ZNF541: variants seen among roughly 807,000 people sequenced by gnomAD.
ZNF541 encodes the protein zinc finger protein 541.
Under a neutral mutation model 123.5 loss-of-function variants are expected in ZNF541, and 23 were observed. The observed-to-expected ratio is 0.19, with a 90% confidence interval of 0.13 to 0.26. The LOEUF (loss-of-function observed/expected upper bound fraction) is 0.26. Among genes scored for constraint, ZNF541 ranks in the 10% least tolerant of loss-of-function variants. The pLI is 1.00. For missense variants in ZNF541, 1,612 were observed against 1,789.9 expected (o/e 0.90, Z 1.79); for synonymous variants, 751 against 754.5 (o/e 1.00, Z 0.08).
chr19:47,570,040 T>A (rs1378091876), intron 2 of ZNF541, among the ~76,000 whole-genome samples: 3 of 152,052 alleles, frequency 2.0e-5, no homozygotes, highest in Non-Finnish European at 4.4e-5. Flanking sequence ...TTTGGGAGGC[T>A]GAGGCGGGCA....
chr19:47,545,372 T>A lies in ZNF541; in HGVS notation c.1157A>T (p.Glu386Val). Residue 386 changes from glutamate to valine, a missense_variant, in exon 5 of 17, where the codon GAA becomes GTA. Around this residue, in one of 5 missense-constraint regions of ZNF541, gnomAD observed 1,080 missense variants for 1,013.8 expected, o/e 1.07. Coordinates refer to ENST00000391901, the MANE Select transcript of ZNF541 (RefSeq NM_001277075.3). The surrounding 1 kb of genome is among the most constrained non-coding windows in gnomAD (Gnocchi z 7.5). The stretch of plus-strand genomic sequence containing the variant: ...CAGGCAGGCAGGCACGGAGCCGCCT[T>A]CGGGCCAGCACTCCGCGGTGGACCG... ...QARSTAECWP[E>V]GGSVPACLPL... The A allele has an allele frequency of 6.5e-7, 1 of 1,537,308 alleles. No homozygotes were observed. Among genetic ancestry groups the A allele is most frequent in the Non-Finnish European group, 8.8e-7 (1 of 1,139,878 alleles).
rs55968633 is a variant in ZNF541, at chr19:47,562,631, A to G, written c.-98-6677T>C. Among the ~76,000 whole-genome samples, 496 of 152,342 alleles carry G rather than the reference A, an allele frequency of 3.3e-3. 1 individual carries two copies. Among genetic ancestry groups the G allele is most frequent in the Middle Eastern group, 0.01 (3 of 292 alleles). On this transcript the variant is annotated intron_variant, in intron 2 of 16. Coordinates refer to ENST00000391901, the MANE Select transcript of ZNF541 (RefSeq NM_001277075.3). The stretch of plus-strand genomic sequence containing the variant: ...GAATCATGGAAGCTTGAGAAAAATG[A>G]GAGATCGAGTTTTTCAGCAAAAAAT...
intron 12 of ZNF541, among the ~76,000 whole-genome samples, chr19:47,530,086 T>A (rs1454812743): frequency 1.3e-5 from 2 of 152,142 alleles, no homozygotes; most frequent in Non-Finnish European, 2.9e-5. Flanking sequence ...GAGCTCCAAT[T>A]TCTGGGCTCC....
intron 14 of ZNF541, among the ~76,000 whole-genome samples, chr19:47,524,693 G>A (rs1220824881): frequency 2.0e-5 from 3 of 146,826 alleles, no homozygotes; most frequent in Non-Finnish European, 1.5e-5. Context: ...GGGTGACATA[G>A]CGAGACTCTG....
intron 3 of ZNF541, 97 bp downstream of exon 3, chr19:47,555,453 A>G (rs1970778894): frequency 7.6e-7 from 1 of 1,307,216 alleles, no homozygotes; most frequent in Admixed American, 2.9e-5. Flanking sequence ...TAGGAGGGAA[A>G]AATTTTCTTA....
intron 2 of ZNF541, among the ~76,000 whole-genome samples, chr19:47,562,193 G>A (rs1185720344): frequency 6.6e-6 from 1 of 152,094 alleles, no homozygotes; most frequent in Non-Finnish European, 1.5e-5. Context: ...AGGCTGCAGT[G>A]AGCCAAGATC....
At chr19:47,555,455 A>G in intron 3 of ZNF541, 95 bp downstream of exon 3, 1 of 1,320,250 alleles carries the variant, frequency 7.6e-7, no homozygotes, top group Non-Finnish European at 1.0e-6. Flanking sequence ...GGAGGGAAAA[A>G]TTTTCTTAAC....
chr19:47,547,196 C>G (rs1330445339), intron 4 of ZNF541, among the ~76,000 whole-genome samples: 57 of 152,250 alleles, frequency 3.7e-4, no homozygotes, highest in Non-Finnish European at 1.5e-5. Flanking sequence ...TGGGGACGAT[C>G]CTTCCTTTAA....
In ZNF541 at chr19:47,555,940, G is replaced by T; in HGVS notation, c.-84C>A. 1 of 1,307,316 alleles carries T rather than the reference G, an allele frequency of 7.6e-7. No homozygotes were observed. Among genetic ancestry groups the T allele is most frequent in the Non-Finnish European group, 1.0e-6 (1 of 967,002 alleles). The allele number at this position is 1,307,316 out of a possible 1,614,324, so 81.0% of individuals were successfully genotyped here. ...AGGAGACAGGGAGGAGAGAGCCCTT[G>T]ATGGCAACTAATTCCTGAAAATGAA... On this transcript the variant is annotated 5_prime_UTR_variant, in exon 3 of 17. Coordinates refer to ENST00000391901, the MANE Select transcript of ZNF541 (RefSeq NM_001277075.3).
At chr19:47,531,867 G>A (rs1568486916) in intron 11 of ZNF541, 122 bp from the exon 12 acceptor site, 1 of 952,472 alleles carries the variant, frequency 1.0e-6, no homozygotes, top group Non-Finnish European at 1.6e-6. Flanking sequence ...TGCATCTCAG[G>A]GAGGGACAAG....
chr19:47,542,437 C>T (rs888930750), intron 5 of ZNF541, among the ~76,000 whole-genome samples: 2 of 152,164 alleles, frequency 1.3e-5, no homozygotes, highest in Non-Finnish European at 2.9e-5. Flanking sequence ...AAGCACATCA[C>T]CTGAGGTCAG....
chr19:47,544,205 A>G lies in ZNF541; in HGVS notation c.2324T>C (p.Val775Ala). The G allele has an allele frequency of 1.3e-6, 2 of 1,551,450 alleles. No individual in the cohort carries two copies. Among genetic ancestry groups the G allele is most frequent in the Non-Finnish European group, 1.7e-6 (2 of 1,146,956 alleles). Reference sequence around the variant, plus strand: ...GGCCGATGAGAAGGAGGCCATGGCTACCTGGCTCGGAGAAGCCGCACAGCA... The same window carrying G: ...GGCCGATGAGAAGGAGGCCATGGCTGCCTGGCTCGGAGAAGCCGCACAGCA... ...DMCCAASPSQ[V>A]AMASFSSAGP... The change falls in exon 5 of 17, where the codon GTA becomes GCA. Residue 775 changes from valine (V) to alanine (A), a missense_variant. Physicochemically the swap from Val to Ala is moderately conservative, Grantham distance 64. Transcript: ENST00000391901.
rs1187367410 is a variant in ZNF541 at position 47,521,170 on chromosome 19, CGAAG to C, written c.*50_*53del. The C allele has an allele frequency of 6.5e-7, 1 of 1,529,118 alleles. No individual in the cohort carries two copies. Among genetic ancestry groups the C allele is most frequent in the Non-Finnish European group, 8.8e-7 (1 of 1,133,386 alleles). 94.7% of individuals were successfully genotyped at this position (1,529,118 alleles called of 1,614,324 possible). ...GGTGCCCCAAACGCCCTGGAGAGGC[CGAAG>C]GGAGGAGGGGCAGCACTGGAGGCCC... On this transcript the variant is annotated 3_prime_UTR_variant, in exon 17 of 17. Transcript: ENST00000391901. This position sits in a 1 kb window ranked among gnomAD's most constrained non-coding sequence, Gnocchi z 4.2.
intron 4 of ZNF541, among the ~76,000 whole-genome samples, chr19:47,547,046 C>CAG (rs1206680782): frequency 1.3e-5 from 2 of 152,202 alleles, no homozygotes; most frequent in Non-Finnish European, 2.9e-5. Context: ...AAAAGCCACA[C>CAG]AGAGAGAGAC....
At chr19:47,550,658 T>C (rs1423290130) in intron 3 of ZNF541, among the ~76,000 whole-genome samples, 1 of 152,156 alleles carries the variant, frequency 6.6e-6, no homozygotes, top group Non-Finnish European at 1.5e-5. Flanking sequence ...GAAGGGCCAG[T>C]GTATACAGGA....
intron 12 of ZNF541, among the ~76,000 whole-genome samples, chr19:47,530,078 G>A (rs1969491435): frequency 6.6e-6 from 1 of 151,984 alleles, no homozygotes; most frequent in Non-Finnish European, 1.5e-5. Flanking sequence ...TCCAGGCTGA[G>A]CTCCAATTTC....
chr19:47,530,432 C>G (rs144044006), intron 12 of ZNF541, among the ~76,000 whole-genome samples: 1 of 151,576 alleles, frequency 6.6e-6, no homozygotes, highest in Non-Finnish European at 1.5e-5. Flanking sequence ...GATCCACCCC[C>G]GCCTTGGCCT....
At chr19:47,549,177 A>G in intron 4 of ZNF541, 68 bp downstream of exon 4, 1 of 1,538,440 alleles carries the variant, frequency 6.5e-7, no homozygotes, top group East Asian at 2.5e-5. Context: ...GAATAGGAAG[A>G]AGACCCAGGA....
intron 12 of ZNF541, among the ~76,000 whole-genome samples, chr19:47,530,172 T>G (rs987376362): frequency 1.4e-5 from 2 of 143,128 alleles, no homozygotes; most frequent in African/African-American, 5.1e-5. Context: ...ATTTTCTTTG[T>G]TTTTTCTTTT....
Sources: gnomAD v4.1 joint callset for allele counts (sites outside exome capture counted in the v4.1 genomes callset) on GRCh38, gnomAD v4.1.1 for gene constraint, gnomAD v4.1.1 regional missense constraint, Gnocchi (gnomAD v3.1) non-coding constraint, MANE v1.5 for transcripts, NCBI Gene and HGNC (gene_info 2026-07-23, HGNC 2026-07-21) for gene names.